Variants in PDE8A observed in about 807,000 individuals in gnomAD.
The protein encoded by PDE8A is high affinity cAMP-specific and IBMX-insensitive 3',5'-cyclic phosphodiesterase 8A.
A neutral mutation model predicts 105.0 loss-of-function variants in PDE8A; 59 were observed. The ratio of observed to expected loss-of-function variants is 0.56; its 90% confidence interval spans 0.46 to 0.70. The LOEUF is 0.70. Among genes scored for constraint, PDE8A ranks in the 30% least tolerant of loss-of-function variants. PDE8A has a pLI of 0.00. For synonymous variants in PDE8A, 355 were observed against 371.9 expected, an observed-to-expected ratio of 0.95 and a Z score of 0.52; for missense variants, 1,014 against 1,045.9, an observed-to-expected ratio of 0.97 and a Z score of 0.42.
rs140188584 is a variant in PDE8A at position 84,992,963 on chromosome 15, G to C, written c.186+10615G>C. Reference sequence around the variant, plus strand: ...GATTGAATGACTTGTTCAAGTTTGTGGTGACCACTTACAGAAACAGGTTCA... The same window carrying C: ...GATTGAATGACTTGTTCAAGTTTGTCGTGACCACTTACAGAAACAGGTTCA... On this transcript the variant is annotated intron_variant, in intron 1 of 21. Transcript: ENST00000394553. Among the ~76,000 whole-genome samples, 464 of 152,254 alleles carry C rather than the reference G, an allele frequency of 3.0e-3. 1 individual carries two copies. The highest frequency in any genetic ancestry group is 0.011 in the African/African-American group (442 of 41,536).
Position 85,109,137 on chromosome 15 carries a change from G to A in PDE8A, c.1114+7G>A. On this transcript the variant is annotated splice_region_variant and intron_variant, in intron 12 of 21. Coordinates refer to ENST00000394553, the MANE Select transcript of PDE8A (RefSeq NM_002605.3). The stretch of plus-strand genomic sequence containing the variant: ...GCCTCCCGTGCAACTGAAGGTGAGT[G>A]ACAAAGACAAGAGAAAAAAATGTGA... 1 of 1,596,178 alleles carries A rather than the reference G, an allele frequency of 6.3e-7. No homozygotes were observed. The highest frequency in any genetic ancestry group is 8.6e-7 in the Non-Finnish European group (1 of 1,164,498).
intron 1 of PDE8A, among the ~76,000 whole-genome samples, chr15:85,014,163 G>A (rs988498269): frequency 1.3e-5 from 2 of 151,112 alleles, no homozygotes; most frequent in African/African-American, 4.9e-5. Flanking sequence ...TTTAAAGTCA[G>A]GGTCTTGCTC....
chr15:85,098,098 C>G (rs1672185511), intron 9 of PDE8A, 62 bp downstream of exon 9: 1 of 994,292 alleles, frequency 1.0e-6, no homozygotes. Context: ...GCAGAATTTG[C>G]TTTGAATATT....
chr15:85,136,719 A>G (rs1271932540), intron 21 of PDE8A, 56 bp downstream of exon 21: 4 of 1,535,764 alleles, frequency 2.6e-6, no homozygotes, highest in Non-Finnish European at 3.6e-6. Flanking sequence ...GGAACCGCGT[A>G]TGAAAGAGCA....
intron 1 of PDE8A, among the ~76,000 whole-genome samples, chr15:85,020,373 G>A (rs1336149057): frequency 6.6e-6 from 1 of 152,144 alleles, no homozygotes; most frequent in Non-Finnish European, 1.5e-5. Context: ...GGAAGCCAAG[G>A]CGGGTGGATT....
intron 11 of PDE8A, among the ~76,000 whole-genome samples, chr15:85,101,793 AAAGC>A (rs1221685105): frequency 2.6e-5 from 4 of 152,190 alleles, no homozygotes; most frequent in Non-Finnish European, 5.9e-5. Context: ...TAGAGAGAGA[AAAGC>A]AAGAAAGTCC....
intron 20 of PDE8A, among the ~76,000 whole-genome samples, chr15:85,127,325 A>G (rs751861195): frequency 3.6e-4 from 55 of 152,228 alleles, no homozygotes; most frequent in Middle Eastern, 3.2e-3. Flanking sequence ...GTTCCTCATC[A>G]TTGCAATAGA....
rs1013049324 is a variant in PDE8A at position 85,031,857 on chromosome 15, C to G, written c.187-32513C>G. 3.3e-5 allele frequency among the ~76,000 whole-genome samples: 5 copies of G among 152,112 alleles called. 1 individual carries two copies. Among genetic ancestry groups the G allele is most frequent in the Non-Finnish European group, 7.4e-5 (5 of 68,026 alleles). Reference sequence around the variant, plus strand: ...TTTCAGCTCTTCCTGTGTCTGACTGCTTATTGCTGAATCCAGGGTTGCCCA... The same window carrying G: ...TTTCAGCTCTTCCTGTGTCTGACTGGTTATTGCTGAATCCAGGGTTGCCCA... On this transcript the variant is annotated intron_variant, in intron 1 of 21. Coordinates refer to ENST00000394553, the MANE Select transcript of PDE8A (RefSeq NM_002605.3).
chr15:85,037,351 C>G (rs1324980692), intron 1 of PDE8A, among the ~76,000 whole-genome samples: 3 of 152,202 alleles, frequency 2.0e-5, no homozygotes, highest in African/African-American at 7.2e-5. Flanking sequence ...AGGCGTGAGC[C>G]ACAGCACCCA....
intron 3 of PDE8A, among the ~76,000 whole-genome samples, chr15:85,074,712 T>C (rs1200812360): frequency 6.6e-6 from 1 of 152,208 alleles, no homozygotes; most frequent in African/African-American, 2.4e-5. Context: ...GATGAATCTC[T>C]TACGCATCTG....
Position 84,982,172 on chromosome 15 carries a change from G to T in PDE8A, c.10G>T (p.Ala4Ser), listed in dbSNP as rs2079722536. MGC[A>S]PSIHISERLV... is the part of the protein sequence containing the mutation. Reference sequence around the variant, plus strand: ...CGGCGCCGCCGCCAGCATGGGCTGTGCCCCGAGCATCCACATTTCCGAGCG... The same window carrying T: ...CGGCGCCGCCGCCAGCATGGGCTGTTCCCCGAGCATCCACATTTCCGAGCG... The change falls in exon 1 of 22, where the codon GCC becomes TCC. Residue 4 changes from alanine to serine, a missense_variant. Ala to Ser is a moderately conservative substitution (Grantham distance 99). Transcript: ENST00000394553. The T allele has an allele frequency of 6.8e-7, 1 of 1,475,038 alleles. No homozygotes were observed. The highest frequency in any genetic ancestry group is 1.5e-5 in the African/African-American group (1 of 68,064). The allele number at this position is 1,475,038 out of a possible 1,614,324, so 91.4% of individuals were successfully genotyped here.
chr15:85,036,158 A>T (rs761489080), intron 1 of PDE8A, among the ~76,000 whole-genome samples: 1 of 152,210 alleles, frequency 6.6e-6, no homozygotes, highest in South Asian at 2.1e-4. Context: ...TCCACTCCTC[A>T]TTAACCCTGG....
intron 1 of PDE8A, among the ~76,000 whole-genome samples, chr15:84,998,013 T>C (rs1421801449): frequency 1.3e-5 from 2 of 152,252 alleles, no homozygotes; most frequent in Non-Finnish European, 2.9e-5. Flanking sequence ...TTTTAAAACA[T>C]TTTAGGGTAG....
chr15:85,134,772 G>C (rs2082380404), intron 20 of PDE8A, among the ~76,000 whole-genome samples: 2 of 152,188 alleles, frequency 1.3e-5, no homozygotes, highest in South Asian at 4.1e-4. Context: ...CTCAAGTAGA[G>C]AGCCCATATG....
At chr15:85,055,856 G>A (rs1228546524) in intron 1 of PDE8A, among the ~76,000 whole-genome samples, 1 of 152,118 alleles carries the variant, frequency 6.6e-6, no homozygotes, top group East Asian at 1.9e-4. Context: ...TCATTATGAT[G>A]TTAGCTGGTT....
Position 85,138,754 on chromosome 15 carries a change from C to T in PDE8A, c.*851C>T, listed in dbSNP as rs1596556729. 6.6e-6 allele frequency: 1 copy of T among 152,322 alleles called. No individual in the cohort carries two copies. The highest frequency in any genetic ancestry group is 6.5e-5 in the Admixed American group (1 of 15,306). 9.4% of individuals were successfully genotyped at this position (152,322 alleles called of 1,614,324 possible). A position where few individuals can be genotyped will look rare whatever the true frequency, so the allele number is the denominator to read the frequency against. On this transcript the variant is annotated 3_prime_UTR_variant, in exon 22 of 22. Transcript: ENST00000394553. The stretch of plus-strand genomic sequence containing the variant: ...AGCTCTAGCCGCCTAATGCACTTCA[C>T]AGGTAACTCCCCAAGGTAAAACTAG...
intron 1 of PDE8A, among the ~76,000 whole-genome samples, chr15:85,045,314 A>G (rs1015137249): frequency 2.0e-5 from 3 of 152,232 alleles, no homozygotes; most frequent in Non-Finnish European, 2.9e-5. Flanking sequence ...AGAAGGATAA[A>G]TGCTGTTTTC....
At chr15:85,006,227 A>G (rs1021355742) in intron 1 of PDE8A, among the ~76,000 whole-genome samples, 1 of 152,134 alleles carries the variant, frequency 6.6e-6, no homozygotes, top group African/African-American at 2.4e-5. Flanking sequence ...ACTAACCGGC[A>G]CATTGTGCAC....
At chr15:85,059,053 C>T (rs558050591) in intron 1 of PDE8A, among the ~76,000 whole-genome samples, 2 of 152,266 alleles carry the variant, frequency 1.3e-5, no homozygotes, top group African/African-American at 4.8e-5. Flanking sequence ...TTTGCTGCTA[C>T]ATCCCATAAG....
Sources: gnomAD v4.1 joint callset for allele counts (sites outside exome capture counted in the v4.1 genomes callset) on GRCh38, gnomAD v4.1.1 for gene constraint, MANE v1.5 for transcripts, NCBI Gene and HGNC (gene_info 2026-07-23, HGNC 2026-07-21) for gene names.